Variants in MAP2K7 observed in about 807,000 individuals in gnomAD.
The protein encoded by MAP2K7 is dual specificity mitogen-activated protein kinase kinase 7.
A neutral mutation model predicts 47.7 loss-of-function variants in MAP2K7; 12 were observed. That is an observed-to-expected ratio of 0.25 (90% CI 0.16 to 0.41). MAP2K7 has a LOEUF of 0.41. Among genes scored for constraint, MAP2K7 ranks in the 10% least tolerant of loss-of-function variants. MAP2K7 has a pLI of 1.00. For synonymous variants in MAP2K7, 299 were observed against 243.0 expected, an observed-to-expected ratio of 1.23 and a Z score of -2.14; for missense variants, 415 against 600.3, an observed-to-expected ratio of 0.69 and a Z score of 3.23.
At chr19:7,912,234 C>G (rs375344448) in intron 10 of MAP2K7, 40 bp downstream of exon 10, 3 of 1,613,512 alleles carry the variant, frequency 1.9e-6, no homozygotes, top group South Asian at 1.1e-5. Flanking sequence ...CCTGTCCCTG[C>G]GGAGGCGCGA....
rs758493704 is a variant in MAP2K7, at chr19:7,909,845, G to A, written c.215G>A (p.Arg72His). 3.1e-5 allele frequency: 48 copies of A among 1,539,230 alleles called. 1 individual carries two copies. Among genetic ancestry groups the A allele is most frequent in the Non-Finnish European group, 3.6e-5 (41 of 1,142,900 alleles). Residue 72 changes from arginine to histidine, a missense_variant, in exon 2 of 11, where the codon CGC becomes CAC. Transcript: ENST00000397979. ...PQHPTPPARP[R>H]HMLGLPSTLF... ...CACCCCACGCCCCCCGCCCGGCCCC[G>A]CCACATGCTGGGGCTCCCGTCAACC...
Position 7,910,322 on chromosome 19 carries a change from C to T in MAP2K7, c.396C>T (p.Gly132=). ...NLGEMGSGTC[G]QVWKMRFRKT... is the part of the protein sequence containing the mutation. ...GCGAGATGGGCAGCGGCACCTGCGG[C>T]CAGGTGTGGAAGATGCGCTTCCGGA... The change falls in exon 4 of 11, where the codon GGC becomes GGT. Residue 132 remains glycine (G), a synonymous_variant. Transcript: ENST00000397979. The T allele has an allele frequency of 6.2e-7, 1 of 1,613,260 alleles. No individual in the cohort carries two copies. The highest frequency in any genetic ancestry group is 8.5e-7 in the Non-Finnish European group (1 of 1,179,924).
intron 9 of MAP2K7, 128 bp from the exon 10 acceptor site, chr19:7,912,021 T>G (rs1982908275): frequency 2.4e-6 from 2 of 824,462 alleles, no homozygotes; most frequent in Non-Finnish European, 4.0e-6. Flanking sequence ...CCTGAGGACA[T>G]CCACAGCTCC....
Position 7,912,368 on chromosome 19 carries a change from G to A in MAP2K7, c.1197G>A (p.Ala399=), listed in dbSNP as rs755243664. 5.0e-6 allele frequency: 8 copies of A among 1,613,156 alleles called. No individual in the cohort carries two copies. The highest frequency in any genetic ancestry group is 2.2e-5 in the East Asian group (1 of 44,872). The change falls in exon 11 of 11, where the codon GCG becomes GCA. Residue 399 remains alanine (A), a synonymous_variant. Coordinates refer to ENST00000397979, the MANE Select transcript of MAP2K7 (RefSeq NM_145185.4). ...CGTCCTGGTTCAAGGATGTCATGGC[G>A]AAGACTGAGTCACCGCGGACTAGCG... ...DVASWFKDVM[A]KTESPRTSGV...
At chr19:7,909,538 A>G (rs1568276854) in intron 1 of MAP2K7, among the ~76,000 whole-genome samples, 1 of 152,072 alleles carries the variant, frequency 6.6e-6, no homozygotes. Flanking sequence ...ATCTCTTTCC[A>G]GGTCAGGGGA....
At position 7,910,695 on chromosome 19, in the gene MAP2K7, G is replaced by T; in HGVS notation, c.568-1G>T. Reference sequence around the variant, plus strand: ...TCCCCCGGGTGCCCCTCTCCCTGCAGACGGACGTCTTCATCGCCATGGAGC... The same window carrying T: ...TCCCCCGGGTGCCCCTCTCCCTGCATACGGACGTCTTCATCGCCATGGAGC... On this transcript the variant is annotated splice_acceptor_variant, in intron 5 of 10. Transcript: ENST00000397979. LOFTEE classifies it high-confidence loss of function. 1 of 1,608,882 alleles carries T rather than the reference G, an allele frequency of 6.2e-7. No homozygotes were observed. Among genetic ancestry groups the T allele is most frequent in the South Asian group, 1.1e-5 (1 of 90,830 alleles).
Position 7,903,894 on chromosome 19 carries a change from C to G in MAP2K7, c.-51C>G, listed in dbSNP as rs1274536239. The G allele has an allele frequency of 8.5e-6, 12 of 1,404,748 alleles. No individual in the cohort carries two copies. Among genetic ancestry groups the G allele is most frequent in the Admixed American group, 4.7e-5 (2 of 42,600 alleles). The allele number at this position is 1,404,748 out of a possible 1,614,324, so 87.0% of individuals were successfully genotyped here. A position where few individuals can be genotyped will look rare whatever the true frequency, so the allele number is the denominator to read the frequency against. ...GCAGGCGCAGTGCGGTGTTTGTCTG[C>G]CGGACTGACGGGCGGCCGGGCGGTG... On this transcript the variant is annotated 5_prime_UTR_variant, in exon 1 of 11. Coordinates refer to ENST00000397979, the MANE Select transcript of MAP2K7 (RefSeq NM_145185.4).
In MAP2K7 at chr19:7,904,186, G is replaced by GC. The variant is rs1008142863; in HGVS notation, c.124+126dup. 1,579 of 817,176 alleles carry GC rather than the reference G, an allele frequency of 1.9e-3. 3 individuals carry two copies. Among genetic ancestry groups the GC allele is most frequent in the African/African-American group, 6.0e-3 (326 of 54,314 alleles). 50.6% of individuals were successfully genotyped at this position (817,176 alleles called of 1,614,324 possible). ...TTCCGGGGCGCTCGCTCTCCTCTCC[G>GC]CCCCCCCCGCTGCGGGCTCGCGGGG... On this transcript the variant is annotated intron_variant, in intron 1 of 10. Coordinates refer to ENST00000397979, the MANE Select transcript of MAP2K7 (RefSeq NM_145185.4).
At position 7,910,587 on chromosome 19, in the gene MAP2K7, G is replaced by C; in HGVS notation, c.567+15G>C. ...TCATCACCAACGTGAGTACCTGGCC[G>C]CGCCCTGCAGCGTCTCCTCCTCCCT... On this transcript the variant is annotated intron_variant, in intron 5 of 10. Transcript: ENST00000397979. 1 of 1,613,246 alleles carries C rather than the reference G, an allele frequency of 6.2e-7. No homozygotes were observed. The highest frequency in any genetic ancestry group is 8.5e-7 in the Non-Finnish European group (1 of 1,179,870).
intron 5 of MAP2K7, 60 bp from the exon 6 acceptor site, chr19:7,910,636 C>T: frequency 6.2e-7 from 1 of 1,609,902 alleles, no homozygotes; most frequent in Non-Finnish European, 8.5e-7. Flanking sequence ...TCCTAGGGAG[C>T]AGAGCCTCTG....
Position 7,912,697 on chromosome 19 carries a change from G to C in MAP2K7, c.*266G>C. The C allele has an allele frequency of 1.9e-6, 1 of 531,916 alleles. No homozygotes were observed. The highest frequency in any genetic ancestry group is 3.6e-5 in the Admixed American group (1 of 27,888). 32.9% of individuals were successfully genotyped at this position (531,916 alleles called of 1,614,324 possible). On this transcript the variant is annotated 3_prime_UTR_variant, in exon 11 of 11. Coordinates refer to ENST00000397979, the MANE Select transcript of MAP2K7 (RefSeq NM_145185.4). ...ACAGCAGGCCGCGATCAGAGTCGCT[G>C]TTCATTCAGCCGCAGCCTCTGGGCC...
In MAP2K7 at chr19:7,910,803, G is replaced by A. The variant is rs551097008; in HGVS notation, c.675G>A (p.Ala225=). The A allele has an allele frequency of 5.0e-6, 8 of 1,587,126 alleles. No homozygotes were observed. The highest frequency in any genetic ancestry group is 1.1e-5 in the South Asian group (1 of 87,494). Residue 225 remains alanine (A), a splice_region_variant and synonymous_variant, in exon 6 of 11, where the codon GCG becomes GCA. Coordinates refer to ENST00000397979, the MANE Select transcript of MAP2K7 (RefSeq NM_145185.4). ...PERILGKMTV[A]IVKALYYLKE... ...GCATTCTGGGCAAGATGACAGTGGC[G>A]GTGAGTGACCAGGCGGGGCTTGCAC...
At chr19:7,905,475 A>G (rs1377698206) in intron 1 of MAP2K7, among the ~76,000 whole-genome samples, 1 of 152,160 alleles carries the variant, frequency 6.6e-6, no homozygotes, top group Non-Finnish European at 1.5e-5. Context: ...GGTCCCTGCT[A>G]GCCCCTGGGG....
chr19:7,912,561 A>C lies in MAP2K7; in HGVS notation c.*130A>C. 1.8e-6 allele frequency: 2 copies of C among 1,138,896 alleles called. No homozygotes were observed. The highest frequency in any genetic ancestry group is 3.3e-5 in the South Asian group (2 of 61,412). The allele number at this position is 1,138,896 out of a possible 1,614,324, so 70.5% of individuals were successfully genotyped here. ...CGGCCACCTAGGACTGAGGACAGAGAGTGGGGGGTGCCCACCCACCCCCCC... is the reference window on the plus strand; with the variant it reads ...CGGCCACCTAGGACTGAGGACAGAGCGTGGGGGGTGCCCACCCACCCCCCC... On this transcript the variant is annotated 3_prime_UTR_variant, in exon 11 of 11. Transcript: ENST00000397979.
At chr19:7,904,919 C>T (rs753157094) in intron 1 of MAP2K7, among the ~76,000 whole-genome samples, 2 of 151,930 alleles carry the variant, frequency 1.3e-5, no homozygotes, top group South Asian at 2.1e-4. Context: ...GGCCTGCTCC[C>T]GCCGCGCCCC....
At position 7,906,154 on chromosome 19, in the gene MAP2K7, C is replaced by T. The variant is rs113338086; in HGVS notation, c.124+2086C>T. 4.9e-3 allele frequency: 2,233 copies of T among 458,054 alleles called. 25 individuals carry two copies. Among genetic ancestry groups the T allele is most frequent in the African/African-American group, 0.029 (1,469 of 51,202 alleles). The allele number at this position is 458,054 out of a possible 1,614,324, so 28.4% of individuals were successfully genotyped here. On this transcript the variant is annotated intron_variant, in intron 1 of 10. Coordinates refer to ENST00000397979, the MANE Select transcript of MAP2K7 (RefSeq NM_145185.4). ...GGCCTCCGGGGGTGGGGGGGGTGCACGCCTGTGTGTGTGTAACTGAGAGAA... is the reference window on the plus strand; with the variant it reads ...GGCCTCCGGGGGTGGGGGGGGTGCATGCCTGTGTGTGTGTAACTGAGAGAA...
intron 1 of MAP2K7, chr19:7,906,110 C>T (rs374221228): frequency 3.7e-6 from 2 of 545,088 alleles, no homozygotes; most frequent in Admixed American, 3.1e-5. Flanking sequence ...GTGGGCTCCC[C>T]CACTGAATGG....
Position 7,904,017 on chromosome 19 carries a change from C to T in MAP2K7, c.73C>T (p.Arg25Trp), listed in dbSNP as rs751559509. The change falls in exon 1 of 11, where the codon CGG becomes TGG. Residue 25 changes from arginine (R) to tryptophan (W), a missense_variant. Arg to Trp is a moderately radical substitution (Grantham distance 101). Transcript: ENST00000397979. The stretch of plus-strand genomic sequence containing the variant: ...GCTGAAGCAGGAGAACCGGGAGGCC[C>T]GGCGGAGGATCGACCTCAACCTGGA... ...AKLKQENREA[R>W]RRIDLNLDIS... 7.3e-7 allele frequency: 1 copy of T among 1,363,646 alleles called. No individual in the cohort carries two copies. Among genetic ancestry groups the T allele is most frequent in the Non-Finnish European group, 9.7e-7 (1 of 1,032,592 alleles). The allele number at this position is 1,363,646 out of a possible 1,614,324, so 84.5% of individuals were successfully genotyped here. A position where few individuals can be genotyped will look rare whatever the true frequency, so the allele number is the denominator to read the frequency against.
rs199525924 is a variant in MAP2K7, at chr19:7,911,342, C to A, written c.936+12C>A. The A allele has an allele frequency of 1.9e-6, 3 of 1,613,246 alleles. No individual in the cohort carries two copies. Among genetic ancestry groups the A allele is most frequent in the Non-Finnish European group, 2.5e-6 (3 of 1,179,844 alleles). Reference sequence around the variant, plus strand: ...TGGGCATCTCGTTGGTGAGTTGGGGCCCTCCCCTGTTCTCCAGCCAGGAGT... The same window carrying A: ...TGGGCATCTCGTTGGTGAGTTGGGGACCTCCCCTGTTCTCCAGCCAGGAGT... On this transcript the variant is annotated intron_variant, in intron 8 of 10. Coordinates refer to ENST00000397979, the MANE Select transcript of MAP2K7 (RefSeq NM_145185.4).
Sources: allele counts gnomAD v4.1 joint callset (sites outside exome capture counted in the v4.1 genomes callset), GRCh38; gene constraint gnomAD v4.1.1; transcripts MANE v1.5; gene names NCBI Gene and HGNC (gene_info 2026-07-23, HGNC 2026-07-21).